Variants in FHIP2A observed in about 807,000 individuals in gnomAD.
FHIP2A encodes the protein FHF complex subunit HOOK interacting protein 2A.
Under a neutral mutation model 93.5 loss-of-function variants are expected in FHIP2A, and 46 were observed. That is an observed-to-expected ratio of 0.49 (90% CI 0.39 to 0.63). FHIP2A has a LOEUF of 0.63. Among genes scored for constraint, FHIP2A ranks in the 20% least tolerant of loss-of-function variants. The pLI, the probability that FHIP2A is intolerant of heterozygous loss-of-function variation, is 0.00. For missense variants in FHIP2A, 769 were observed against 909.7 expected (o/e 0.85, Z 1.99); for synonymous variants, 332 against 326.5 (o/e 1.02, Z -0.18).
rs774416676 is a variant in FHIP2A at position 114,843,868 on chromosome 10, C to G, written c.944C>G (p.Ser315Cys). Residue 315 changes from serine to cysteine, a missense_variant, in exon 7 of 17, where the codon TCC becomes TGC. Transcript: ENST00000369248. ...LCELLTDRLA[S>C]LYKALPQSVD... is the part of the protein sequence containing the mutation. ...GAACTACTGACAGACAGACTTGCCT[C>G]CCTGTACAAGGCCCTACCTCAGTCA... The G allele has an allele frequency of 6.2e-7, 1 of 1,611,380 alleles. No homozygotes were observed. The highest frequency in any genetic ancestry group is 1.1e-5 in the South Asian group (1 of 90,588).
intron 4 of FHIP2A, 25 bp from the exon 5 acceptor site, chr10:114,836,099 A>C (rs375064220): frequency 5.0e-5 from 77 of 1,526,906 alleles, no homozygotes; most frequent in Non-Finnish European, 6.5e-5. Context: ...TAAGTTTAAA[A>C]AGTTAAAAAC....
intron 1 of FHIP2A, among the ~76,000 whole-genome samples, chr10:114,830,385 G>A (rs2083601300): frequency 6.8e-6 from 1 of 147,254 alleles, no homozygotes; most frequent in African/African-American, 2.5e-5. Flanking sequence ...CGATTCTCCT[G>A]TCTCAGCCTC....
intron 16 of FHIP2A, among the ~76,000 whole-genome samples, chr10:114,876,845 A>G (rs1235411542): frequency 6.6e-6 from 1 of 152,130 alleles, no homozygotes; most frequent in Non-Finnish European, 1.5e-5. Context: ...GCCCCCGCAC[A>G]AGGGAAGGGG....
At position 114,845,457 on chromosome 10, in the gene FHIP2A, T is replaced by C; in HGVS notation, c.1104T>C (p.Asp368=). ...TTCTTTCCTGGTTTGATTATTGTGA[T>C]CAGCTCATTAAGGAAGCCCAAAAGG... ...ISFLSWFDYC[D]QLIKEAQKTA... Residue 368 remains aspartate, a synonymous_variant, in exon 8 of 17, where the codon GAT becomes GAC. Coordinates refer to ENST00000369248, the MANE Select transcript of FHIP2A (RefSeq NM_020940.4). 1 of 1,612,340 alleles carries C rather than the reference T, an allele frequency of 6.2e-7. No individual in the cohort carries two copies. The highest frequency in any genetic ancestry group is 8.5e-7 in the Non-Finnish European group (1 of 1,178,598).
At chr10:114,880,680 AACACAC>A (rs71473073) in intron 16 of FHIP2A, among the ~76,000 whole-genome samples, 12 of 144,042 alleles carry the variant, frequency 8.3e-5, no homozygotes, top group Non-Finnish European at 1.4e-4. Context: ...ACTCCATGTC[AACACAC>A]ACACACACAC....
chr10:114,846,079 T>C lies in FHIP2A; in HGVS notation c.1195T>C (p.Leu399=). The C allele has an allele frequency of 6.2e-7, 1 of 1,614,092 alleles. No homozygotes were observed. Among genetic ancestry groups the C allele is most frequent in the Non-Finnish European group, 8.5e-7 (1 of 1,179,954 alleles). The change falls in exon 9 of 17, where the codon TTA becomes CTA. Residue 399 remains leucine, a synonymous_variant. Transcript: ENST00000369248. Reference sequence around the variant, plus strand: ...TTTCATTGGTGTTATGGAACCTCAATTAATGCAAACGTGAGTAGCCTGTTT... The same window carrying C: ...TTTCATTGGTGTTATGGAACCTCAACTAATGCAAACGTGAGTAGCCTGTTT... ...RFFIGVMEPQ[L]MQTSEMGILT...
In FHIP2A at chr10:114,863,514, A is replaced by G; in HGVS notation, c.*1974A>G. 8.6e-7 allele frequency: 1 copy of G among 1,162,388 alleles called. No homozygotes were observed. Among genetic ancestry groups the G allele is most frequent in the East Asian group, 6.6e-5 (1 of 15,102 alleles). The allele number at this position is 1,162,388 out of a possible 1,614,324, so 72.0% of individuals were successfully genotyped here. A position where few individuals can be genotyped will look rare whatever the true frequency, so the allele number is the denominator to read the frequency against. The stretch of plus-strand genomic sequence containing the variant: ...AAAGCTTTAACTCTTATATTTGTGT[A>G]TATGTATGCTGCTTCTGAAAATATA... On this transcript the variant is annotated 3_prime_UTR_variant, in exon 17 of 17. Coordinates refer to ENST00000369248, the MANE Select transcript of FHIP2A (RefSeq NM_020940.4).
intron 3 of FHIP2A, 52 bp from the exon 4 acceptor site, chr10:114,835,485 T>G (rs2083631896): frequency 9.3e-7 from 1 of 1,073,430 alleles, no homozygotes; most frequent in South Asian, 1.3e-5. Context: ...TCAGTAAATG[T>G]GTTTGCATTG....
chr10:114,825,554 CAAG>C (rs1296987915), intron 1 of FHIP2A, among the ~76,000 whole-genome samples: 2 of 152,170 alleles, frequency 1.3e-5, no homozygotes, highest in Non-Finnish European at 2.9e-5. Context: ...TGATTAAAAA[CAAG>C]AACTGTAATG....
At chr10:114,869,710 A>G (rs898005337), downstream of FHIP2A, among the ~76,000 whole-genome samples, 5 of 152,344 alleles carry the variant, frequency 3.3e-5, no homozygotes, top group African/African-American at 1.2e-4. Context: ...GCAACAGTAC[A>G]TATGACTCAT....
At chr10:114,858,632 A>C (rs544417858) in intron 14 of FHIP2A, among the ~76,000 whole-genome samples, 1 of 150,192 alleles carries the variant, frequency 6.7e-6, no homozygotes, top group African/African-American at 2.5e-5. Flanking sequence ...TTTTTTGTAA[A>C]TGATTCCTTC....
chr10:114,869,846 TAATG>T (rs1363628732), intron 16 of FHIP2A, among the ~76,000 whole-genome samples: 1 of 152,230 alleles, frequency 6.6e-6, no homozygotes, highest in African/African-American at 2.4e-5. Flanking sequence ...GCACAGTTCT[TAATG>T]GTTGGAGTCT....
chr10:114,857,323 T>G (rs2083772937), intron 14 of FHIP2A, among the ~76,000 whole-genome samples: 1 of 148,672 alleles, frequency 6.7e-6, no homozygotes, highest in Non-Finnish European at 1.5e-5. Flanking sequence ...TCTTTTTTTT[T>G]TTTCTGAGAC....
At chr10:114,854,144 T>G (rs1005931981) in intron 13 of FHIP2A, among the ~76,000 whole-genome samples, 10 of 152,006 alleles carry the variant, frequency 6.6e-5, no homozygotes, top group South Asian at 2.1e-4. Flanking sequence ...AGGGTTTTTT[T>G]TTTTTTTTTT....
chr10:114,864,203 C>G lies in FHIP2A; in HGVS notation c.*2663C>G, dbSNP rs1470275996. Reference sequence around the variant, plus strand: ...TTGTTACACTTAATTTTACAGGGCACAAATTATGGAATTACTTCATAAATT... The same window carrying G: ...TTGTTACACTTAATTTTACAGGGCAGAAATTATGGAATTACTTCATAAATT... On this transcript the variant is annotated 3_prime_UTR_variant, in exon 17 of 17. Transcript: ENST00000369248. The G allele has an allele frequency of 1.0e-6, 1 of 984,494 alleles. No individual in the cohort carries two copies. The highest frequency in any genetic ancestry group is 1.2e-6 in the Non-Finnish European group (1 of 828,932). The allele number at this position is 984,494 out of a possible 1,614,324, so 61.0% of individuals were successfully genotyped here.
In FHIP2A at chr10:114,822,045, G is replaced by C; in HGVS notation, c.-34G>C. The C allele has an allele frequency of 7.9e-7, 1 of 1,262,640 alleles. No homozygotes were observed. Among genetic ancestry groups the C allele is most frequent in the Non-Finnish European group, 1.0e-6 (1 of 981,468 alleles). The allele number at this position is 1,262,640 out of a possible 1,614,324, so 78.2% of individuals were successfully genotyped here. ...GGCGGATCGAGGAGCTCTCCAGGTC[G>C]TCCCGGGAGAGGCTGCTGCAGTCCC... On this transcript the variant is annotated 5_prime_UTR_variant, in exon 1 of 17. Coordinates refer to ENST00000369248, the MANE Select transcript of FHIP2A (RefSeq NM_020940.4).
At position 114,875,916 on chromosome 10, in the gene FHIP2A, GAAAGAA is replaced by G. The variant is rs1566384378; in HGVS notation, c.2192+14584_2192+14589del. On this transcript the variant is annotated intron_variant, in intron 16 of 16. Transcript: ENST00000369250. Reference sequence around the variant, plus strand: ...AGAGAAAGAAATAAAGAAAGAGAAAGAAAGAAAGAAAGAAAGAGAAAGAAAAAGAAC... The same window carrying G: ...AGAGAAAGAAATAAAGAAAGAGAAAGAGAAAGAAAGAGAAAGAAAAAGAAC... Among the ~76,000 whole-genome samples, 35 of 119,844 alleles carry G rather than the reference GAAAGAA, an allele frequency of 2.9e-4. 3 individuals are homozygous for G. Among genetic ancestry groups the G allele is most frequent in the Middle Eastern group, 4.2e-3 (1 of 240 alleles). 78.6% of individuals were successfully genotyped at this position (119,844 alleles called of 152,430 possible).
Position 114,861,445 on chromosome 10 carries a change from A to G in FHIP2A, c.2203A>G (p.Ile735Val). The G allele has an allele frequency of 6.2e-7, 1 of 1,614,130 alleles. No individual in the cohort carries two copies. Among genetic ancestry groups the G allele is most frequent in the Non-Finnish European group, 8.5e-7 (1 of 1,180,014 alleles). The change falls in exon 17 of 17, where the codon ATC becomes GTC. Residue 735 changes from isoleucine (I) to valine (V), a missense_variant. Coordinates refer to ENST00000369248, the MANE Select transcript of FHIP2A (RefSeq NM_020940.4). ...TTTTTTCCTTACCAGTATTGACCACATCACACTGCTAGAGGGTGTGATTGT... is the reference window on the plus strand; with the variant it reads ...TTTTTTCCTTACCAGTATTGACCACGTCACACTGCTAGAGGGTGTGATTGT... ...LEPEGPIIDH[I>V]TLLEGVIVLE...
rs76157063 is a variant in FHIP2A at position 114,889,926 on chromosome 10, G to T, written c.2193-9564G>T. ...GGCATGTCCCTTTGCCTCAGTGTTG[G>T]CCATTGCTTTGCCAGGTTTCCCGGA... On this transcript the variant is annotated intron_variant, in intron 16 of 16. Coordinates refer to the FHIP2A transcript ENST00000369250. Among the ~76,000 whole-genome samples, 958 of 152,298 alleles carry T rather than the reference G, an allele frequency of 6.3e-3. 12 individuals carry two copies. The highest frequency in any genetic ancestry group is 0.022 in the African/African-American group (916 of 41,568).
Sources: allele counts gnomAD v4.1 joint callset (sites outside exome capture counted in the v4.1 genomes callset), GRCh38; gene constraint gnomAD v4.1.1; transcripts MANE v1.5; gene names NCBI Gene and HGNC (gene_info 2026-07-23, HGNC 2026-07-21).